MYO5B: variants seen among roughly 807,000 people sequenced by gnomAD.
The protein encoded by MYO5B is myosin VB, also known as unconventional myosin-Vb.
A neutral mutation model predicts 229.3 loss-of-function variants in MYO5B; 143 were observed. The ratio of observed to expected loss-of-function variants is 0.62; its 90% confidence interval spans 0.54 to 0.72. The LOEUF is 0.72. Ranked by LOEUF, MYO5B falls within the 30% of genes least tolerant of loss-of-function variation. MYO5B has a pLI of 0.00. For missense variants in MYO5B, 2,321 were observed against 2,331.0 expected (o/e 1.00, Z 0.09); for synonymous variants, 918 against 885.2 (o/e 1.04, Z -0.66).
intron 1 of MYO5B, among the ~76,000 whole-genome samples, chr18:50,115,523 A>AACAC (rs111340318): frequency 0.013 from 1,845 of 144,786 alleles, 28 homozygotes; most frequent in African/African-American, 0.03. Context: ...AAATAAATAA[A>AACAC]ACACACACAC....
At chr18:49,979,270 C>T (rs1013343435) in intron 9 of MYO5B, among the ~76,000 whole-genome samples, 2 of 152,206 alleles carry the variant, frequency 1.3e-5, no homozygotes, top group South Asian at 2.1e-4. Flanking sequence ...GGGCACCTAA[C>T]GCTACCAGCA....
chr18:49,907,163 G>A (rs1021459463), intron 18 of MYO5B, among the ~76,000 whole-genome samples: 1 of 152,186 alleles, frequency 6.6e-6, no homozygotes, highest in South Asian at 2.1e-4. Context: ...GGCTAGCTGG[G>A]GGAACTGAAG....
At position 49,837,719 on chromosome 18, in the gene MYO5B, C is replaced by A. The variant is rs1430496487; in HGVS notation, c.4936G>T (p.Ala1646Ser). 4 of 1,614,178 alleles carry A rather than the reference C, an allele frequency of 2.5e-6. No individual in the cohort carries two copies. The highest frequency in any genetic ancestry group is 2.5e-6 in the Non-Finnish European group (3 of 1,180,014). ...AGGCAGTATGAGTTATCCCCATCTGCCATGCTGGAGGAGCGCTTCCGGTAG... is the reference window on the plus strand; with the variant it reads ...AGGCAGTATGAGTTATCCCCATCTGACATGCTGGAGGAGCGCTTCCGGTAG... Reference protein sequence around the residue: ...TGYRKRSSSMADGDNSYCLEA... With the variant: ...TGYRKRSSSMSDGDNSYCLEA... The change falls in exon 37 of 40, where the codon GCA becomes TCA. Residue 1646 changes from alanine (A) to serine (S), a missense_variant. Ala to Ser is a moderately conservative substitution (Grantham distance 99). Coordinates refer to ENST00000285039, the MANE Select transcript of MYO5B (RefSeq NM_001080467.3).
intron 1 of MYO5B, among the ~76,000 whole-genome samples, chr18:50,074,822 GT>G (rs1272681088): frequency 6.7e-6 from 1 of 149,058 alleles, no homozygotes; most frequent in Admixed American, 6.6e-5. Context: ...TTTTTTGGGG[GT>G]TTTTTTGTTT....
chr18:50,025,977 TA>T (rs1161208560), intron 4 of MYO5B, among the ~76,000 whole-genome samples: 2 of 152,334 alleles, frequency 1.3e-5, no homozygotes, highest in African/African-American at 4.8e-5. Context: ...ATGCATAGTA[TA>T]AAACATATAC....
At chr18:49,968,184 CT>C (rs1367894225) in intron 10 of MYO5B, among the ~76,000 whole-genome samples, 1 of 152,120 alleles carries the variant, frequency 6.6e-6, no homozygotes, top group African/African-American at 2.4e-5. Context: ...GTGTTGTAGG[CT>C]TTTAAAAGAC....
At chr18:50,103,999 T>TA (rs34686037) in intron 1 of MYO5B, among the ~76,000 whole-genome samples, 14,360 of 131,760 alleles carry the variant, frequency 0.11, 934 homozygotes, top group African/African-American at 0.18. Flanking sequence ...CCATCTCCAT[T>TA]AAAAAAAAAA....
At chr18:50,161,314 G>A (rs1222445797) in intron 1 of MYO5B, among the ~76,000 whole-genome samples, 1 of 152,146 alleles carries the variant, frequency 6.6e-6, no homozygotes, top group Non-Finnish European at 1.5e-5. Context: ...AACTTGGGAG[G>A]TGGAGGTTGC....
chr18:50,075,271 G>A lies in MYO5B; in HGVS notation c.28-19893C>T, dbSNP rs571197287. Among the ~76,000 whole-genome samples, 3 of 152,252 alleles carry A rather than the reference G, an allele frequency of 2.0e-5. No individual in the cohort carries two copies. In the South Asian group the frequency reaches 6.2e-4, roughly 32 times the overall value. On this transcript the variant is annotated intron_variant, in intron 1 of 39. Coordinates refer to ENST00000285039, the MANE Select transcript of MYO5B (RefSeq NM_001080467.3). ...GATTCCATGGGTATGGAAGACTGGA[G>A]AGACTTCACAGAAAAGAGGCAGGAT...
chr18:50,028,300 A>G (rs4606829), intron 4 of MYO5B, among the ~76,000 whole-genome samples: 148,898 of 152,292 alleles, frequency 0.98, 72,886 homozygotes, highest in East Asian at 1. Context: ...AGTAAACAAC[A>G]TGAAACACCT....
chr18:50,106,881 T>A (rs1316910302), intron 1 of MYO5B, among the ~76,000 whole-genome samples: 1 of 152,194 alleles, frequency 6.6e-6, no homozygotes, highest in Non-Finnish European at 1.5e-5. Flanking sequence ...CATAACTCTA[T>A]GTCCCTCCCA....
intron 4 of MYO5B, among the ~76,000 whole-genome samples, chr18:50,028,430 C>A (rs964288082): frequency 6.6e-6 from 1 of 152,084 alleles, no homozygotes; most frequent in African/African-American, 2.4e-5. Context: ...CAGATGACAT[C>A]TCAGGGTGGC....
chr18:50,077,168 T>TAAAAAGAAAAAAAA (rs2031100111), intron 1 of MYO5B, among the ~76,000 whole-genome samples: 1 of 81,232 alleles, frequency 1.2e-5, no homozygotes, highest in Non-Finnish European at 2.3e-5. Context: ...TGTGGCAAAG[T>TAAAAAGAAAAAAAA]AAAAAAAAAA....
intron 21 of MYO5B, among the ~76,000 whole-genome samples, chr18:49,897,194 A>G (rs2024788220): frequency 6.6e-6 from 1 of 152,132 alleles, no homozygotes; most frequent in African/African-American, 2.4e-5. Flanking sequence ...CAGGCCCCAG[A>G]AGGCTCGTCC....
chr18:49,874,966 T>C (rs779372304), intron 26 of MYO5B, among the ~76,000 whole-genome samples: 7 of 152,250 alleles, frequency 4.6e-5, no homozygotes, highest in East Asian at 3.8e-4. Flanking sequence ...ACCTGTGTTA[T>C]GTCTGGTTCT....
At chr18:50,024,627 T>C (rs2026311218) in intron 4 of MYO5B, among the ~76,000 whole-genome samples, 1 of 152,196 alleles carries the variant, frequency 6.6e-6, no homozygotes, top group Non-Finnish European at 1.5e-5. Context: ...GCTTCCAACA[T>C]TATCGATCTG....
At chr18:50,114,978 T>C (rs925937135) in intron 1 of MYO5B, among the ~76,000 whole-genome samples, 2 of 152,196 alleles carry the variant, frequency 1.3e-5, no homozygotes, top group African/African-American at 4.8e-5. Context: ...CCAAAGAACA[T>C]TTTGAAAATC....
At chr18:50,124,120 C>T (rs907741046) in intron 1 of MYO5B, among the ~76,000 whole-genome samples, 2 of 152,234 alleles carry the variant, frequency 1.3e-5, no homozygotes, top group Non-Finnish European at 2.9e-5. Flanking sequence ...ACACTGCACC[C>T]TATGATTAAC....
At chr18:49,835,471 A>G in intron 38 of MYO5B, 47 bp from the exon 39 acceptor site, 1 of 1,253,130 alleles carries the variant, frequency 8.0e-7, no homozygotes. Flanking sequence ...AATGAACATG[A>G]GACAACTTTT....
Sources: allele counts gnomAD v4.1 joint callset (sites outside exome capture counted in the v4.1 genomes callset), GRCh38; gene constraint gnomAD v4.1.1; transcripts MANE v1.5; gene names NCBI Gene and HGNC (gene_info 2026-07-23, HGNC 2026-07-21).